EPSTI1: variants seen among roughly 807,000 people sequenced by gnomAD.
EPSTI1 encodes epithelial-stromal interaction protein 1.
EPSTI1 carries 66 observed loss-of-function variants against 49.9 expected under a neutral mutation model. That is an observed-to-expected ratio of 1.32 (90% CI 1.08 to 1.62). The LOEUF (loss-of-function observed/expected upper bound fraction) is 1.62, where lower values mean the gene tolerates loss of function less well. Among genes scored for constraint, EPSTI1 ranks in the 40% most tolerant of loss-of-function variants. EPSTI1 has a pLI of 0.00. For missense variants in EPSTI1, 394 were observed against 365.5 expected (o/e 1.08, Z -0.64); for synonymous variants, 137 against 130.7 (o/e 1.05, Z -0.33).
intron 7 of EPSTI1, 55 bp downstream of exon 7, chr13:42,926,281 A>G (rs2038174775): frequency 9.9e-7 from 1 of 1,006,820 alleles, no homozygotes; most frequent in Non-Finnish European, 1.6e-6. Flanking sequence ...ATCTTCAGTC[A>G]CTAAATACCT....
chr13:42,975,928 T>C (rs1225614995), intron 1 of EPSTI1, among the ~76,000 whole-genome samples: 2 of 152,200 alleles, frequency 1.3e-5, no homozygotes, highest in Non-Finnish European at 2.9e-5. Flanking sequence ...GATGGGACCA[T>C]CGTTGAGATG....
Position 42,932,998 on chromosome 13 carries a change from T to C in EPSTI1, c.564-6569A>G, listed in dbSNP as rs1575519. On this transcript the variant is annotated intron_variant, in intron 6 of 10. Transcript: ENST00000313624. ...TTACCCACTGAATGTGTTAAGGTCATGAAAGAGAAGGGAAAAAATGAGGTA... is the reference window on the plus strand; with the variant it reads ...TTACCCACTGAATGTGTTAAGGTCACGAAAGAGAAGGGAAAAAATGAGGTA... 3.6e-3 allele frequency among the ~76,000 whole-genome samples: 545 copies of C among 152,122 alleles called. 2 individuals carry two copies. Among genetic ancestry groups the C allele is most frequent in the African/African-American group, 0.013 (530 of 41,468 alleles).
intron 8 of EPSTI1, among the ~76,000 whole-genome samples, chr13:42,903,523 C>T (rs1421763103): frequency 6.6e-6 from 1 of 152,118 alleles, no homozygotes; most frequent in East Asian, 1.9e-4. Context: ...ATGTAACAAA[C>T]CTGCACATCC....
chr13:42,916,582 G>A (rs2037837948), intron 8 of EPSTI1, among the ~76,000 whole-genome samples: 1 of 152,102 alleles, frequency 6.6e-6, no homozygotes, highest in Admixed American at 6.5e-5. Context: ...TTACCTTGTT[G>A]GGGAAAGACA....
chr13:42,937,885 T>C (rs1203509831), intron 6 of EPSTI1, among the ~76,000 whole-genome samples: 3 of 152,178 alleles, frequency 2.0e-5, no homozygotes, highest in Admixed American at 6.5e-5. Context: ...GTTTTTAATT[T>C]AGTTTGCCCA....
chr13:42,925,410 G>A (rs144353109), intron 7 of EPSTI1, among the ~76,000 whole-genome samples: 49 of 152,188 alleles, frequency 3.2e-4, no homozygotes, highest in African/African-American at 6.3e-4. Flanking sequence ...CGCAGTATGC[G>A]GGGCATTTCT....
At chr13:42,960,736 C>T (rs1288634785) in intron 5 of EPSTI1, among the ~76,000 whole-genome samples, 1 of 152,132 alleles carries the variant, frequency 6.6e-6, no homozygotes, top group East Asian at 1.9e-4. Context: ...TGGTCTTTTC[C>T]AGCTTCTAGA....
intron 6 of EPSTI1, among the ~76,000 whole-genome samples, chr13:42,941,529 A>G (rs922209123): frequency 6.6e-6 from 1 of 151,526 alleles, no homozygotes; most frequent in Non-Finnish European, 1.5e-5. Context: ...CTGAGGTGGG[A>G]TGATTGCTCA....
intron 6 of EPSTI1, among the ~76,000 whole-genome samples, chr13:42,927,061 A>G (rs749953950): frequency 6.6e-6 from 1 of 151,654 alleles, no homozygotes; most frequent in Non-Finnish European, 1.5e-5. Context: ...AGAGAGGATA[A>G]ACCCTCCATA....
intron 3 of EPSTI1, 110 bp downstream of exon 3, chr13:42,968,984 T>A (rs1232221454): frequency 2.1e-6 from 2 of 950,072 alleles, no homozygotes; most frequent in East Asian, 3.1e-5. Context: ...AGCAGCACAA[T>A]GACCAAACAA....
intron 4 of EPSTI1, 128 bp from the exon 5 acceptor site, chr13:42,963,466 T>C (rs1337060593): frequency 8.7e-6 from 6 of 689,116 alleles, no homozygotes; most frequent in Non-Finnish European, 1.4e-5. Context: ...TGATTATAGG[T>C]TGTTACTTCA....
In EPSTI1 at chr13:42,917,642, GA is replaced by G. The variant is rs71202243; in HGVS notation, c.658-19del. ...CTTCTGGCCTGTAAAGGTACAAAGA[GA>G]AAAAAAAAAAAAAAAACAACTTGAT... On this transcript the variant is annotated intron_variant, in intron 7 of 10. Coordinates refer to ENST00000313624, the MANE Select transcript of EPSTI1 (RefSeq NM_033255.5). 4.2e-3 allele frequency: 1,798 copies of G among 423,698 alleles called. No homozygotes were observed. Among genetic ancestry groups the G allele is most frequent in the East Asian group, 0.011 (242 of 21,262 alleles). 26.2% of individuals were successfully genotyped at this position (423,698 alleles called of 1,614,324 possible).
chr13:42,975,426 G>A (rs1156640584), intron 1 of EPSTI1, among the ~76,000 whole-genome samples: 1 of 152,190 alleles, frequency 6.6e-6, no homozygotes, highest in Non-Finnish European at 1.5e-5. Flanking sequence ...AAGCTGATGT[G>A]TAATTGATTA....
chr13:42,911,533 A>G (rs1216321166), intron 8 of EPSTI1, among the ~76,000 whole-genome samples: 2 of 152,208 alleles, frequency 1.3e-5, no homozygotes, highest in Non-Finnish European at 2.9e-5. Flanking sequence ...ATGAGTTTTA[A>G]TTATGTGAGT....
At chr13:42,903,774 T>C (rs898932892) in intron 8 of EPSTI1, among the ~76,000 whole-genome samples, 1 of 152,236 alleles carries the variant, frequency 6.6e-6, no homozygotes, top group African/African-American at 2.4e-5. Context: ...GATTTGAGCC[T>C]AGAAGATGGG....
chr13:42,889,119 C>G, intron 10 of EPSTI1: 1 of 1,015,592 alleles, frequency 9.8e-7, no homozygotes, highest in Non-Finnish European at 1.5e-6. Context: ...CCCCTGAAGA[C>G]ATAGGATTTA....
chr13:42,968,917 A>ATAC (rs1566168995), intron 3 of EPSTI1, among the ~76,000 whole-genome samples, 177 bp downstream of exon 3: 1 of 66,054 alleles, frequency 1.5e-5, no homozygotes, highest in African/African-American at 5.4e-5. Flanking sequence ...GAAAAAAAAA[A>ATAC]AAATACACAC....
chr13:42,964,457 T>C (rs562161903), intron 3 of EPSTI1, among the ~76,000 whole-genome samples: 2 of 152,260 alleles, frequency 1.3e-5, no homozygotes, highest in African/African-American at 4.8e-5. Flanking sequence ...ACAGAAGAAA[T>C]AGTGCCTGTC....
intron 1 of EPSTI1, among the ~76,000 whole-genome samples, chr13:42,982,429 AGTCACTCT>A (rs2040002105): frequency 6.6e-6 from 1 of 152,244 alleles, no homozygotes; most frequent in Non-Finnish European, 1.5e-5. Context: ...CCTATGGAGT[AGTCACTCT>A]TTATTCCTTT....
Sources: allele counts gnomAD v4.1 joint callset (sites outside exome capture counted in the v4.1 genomes callset), GRCh38; gene constraint gnomAD v4.1.1; transcripts MANE v1.5; gene names NCBI Gene and HGNC (gene_info 2026-07-23, HGNC 2026-07-21).